The following PIGL variants were observed in gnomAD, a reference collection of about 807,000 sequenced individuals.
PIGL encodes phosphatidylinositol glycan anchor biosynthesis class L, also known as N-acetylglucosaminyl-phosphatidylinositol de-N-acetylase.
A neutral mutation model predicts 31.1 loss-of-function variants in PIGL; 22 were observed. The ratio of observed to expected loss-of-function variants is 0.71; its 90% confidence interval spans 0.51 to 1.01. PIGL has a LOEUF of 1.01. PIGL is among the 50% of genes least tolerant of loss of function. The probability of loss-of-function intolerance (pLI) is 0.00; values close to 1 mark genes in which losing one functional copy is unlikely to be tolerated. For synonymous variants in PIGL, 131 were observed against 117.4 expected (o/e 1.12, Z -0.75); for missense variants, 302 against 315.9 (o/e 0.96, Z 0.33).
intron 2 of PIGL, among the ~76,000 whole-genome samples, chr17:16,283,861 T>C (rs965638974): frequency 2.0e-5 from 3 of 152,224 alleles, no homozygotes; most frequent in African/African-American, 4.8e-5. Flanking sequence ...CCTTATCTCA[T>C]AGTTCCCTTC....
chr17:16,294,051 A>G (rs2092971386), intron 2 of PIGL, among the ~76,000 whole-genome samples: 1 of 152,190 alleles, frequency 6.6e-6, no homozygotes, highest in African/African-American at 2.4e-5. Flanking sequence ...ACTTGGAGAA[A>G]GGCTCACAGG....
At chr17:16,251,783 T>A (rs1475998081) in intron 2 of PIGL, among the ~76,000 whole-genome samples, 2 of 151,786 alleles carry the variant, frequency 1.3e-5, no homozygotes, top group South Asian at 4.2e-4. Flanking sequence ...GTGAAAGGTA[T>A]AGGAAATGAA....
chr17:16,263,216 G>A (rs117456595), intron 2 of PIGL, among the ~76,000 whole-genome samples: 20 of 152,084 alleles, frequency 1.3e-4, no homozygotes, highest in South Asian at 4.1e-4. Context: ...ATAGGATCTC[G>A]CTCCCAGGCT....
intron 3 of PIGL, among the ~76,000 whole-genome samples, chr17:16,303,726 T>G (rs1479276226): frequency 1.3e-5 from 2 of 150,304 alleles, no homozygotes; most frequent in East Asian, 1.9e-4. Flanking sequence ...TTTTTTTTTC[T>G]TTTTTTGAGA....
chr17:16,227,573 C>CTT (rs2092657633), intron 1 of PIGL, among the ~76,000 whole-genome samples: 1 of 110,480 alleles, frequency 9.1e-6, no homozygotes, highest in Non-Finnish European at 1.9e-5. Context: ...TTTTAATTTT[C>CTT]TTTTCTTTTT....
chr17:16,221,489 GC>G (rs2092628860), intron 1 of PIGL, among the ~76,000 whole-genome samples: 1 of 142,046 alleles, frequency 7.0e-6, no homozygotes, highest in African/African-American at 2.6e-5. Context: ...TCTCACTGTC[GC>G]CCGGGCTGGA....
intron 2 of PIGL, among the ~76,000 whole-genome samples, chr17:16,263,430 T>A (rs961680030): frequency 1.3e-5 from 2 of 152,138 alleles, no homozygotes; most frequent in Non-Finnish European, 2.9e-5. Flanking sequence ...TCCTTATGCC[T>A]TGGCCTCCCA....
intron 2 of PIGL, among the ~76,000 whole-genome samples, chr17:16,236,287 C>T (rs79242972): frequency 0.014 from 2,143 of 152,168 alleles, 90 homozygotes; most frequent in Admixed American, 0.095. Context: ...TTTATGTATT[C>T]GGTGTTTCAG....
intron 2 of PIGL, among the ~76,000 whole-genome samples, chr17:16,287,479 C>T (rs2092943168): frequency 6.6e-6 from 1 of 152,172 alleles, no homozygotes; most frequent in Admixed American, 6.5e-5. Flanking sequence ...GGTCACAGTC[C>T]CCAATAAAGT....
rs1348015366 is a variant in PIGL, at chr17:16,318,307, G to A, written c.660+399G>A. Among the ~76,000 whole-genome samples the A allele has an allele frequency of 2.0e-5, 3 of 148,878 alleles. No individual in the cohort carries two copies. The Admixed American group carries it at 2.0e-4, about 10-fold the overall frequency. ...TTTTTTGAGACGGAGTTTTGCTCTTGTCACCCAAGCTGGAGTGCAGTGGTG... is the reference window on the plus strand; with the variant it reads ...TTTTTTGAGACGGAGTTTTGCTCTTATCACCCAAGCTGGAGTGCAGTGGTG... On this transcript the variant is annotated intron_variant, in intron 6 of 6. Transcript: ENST00000225609.
At chr17:16,239,211 G>C (rs181356084) in intron 2 of PIGL, among the ~76,000 whole-genome samples, 1 of 151,226 alleles carries the variant, frequency 6.6e-6, no homozygotes, top group African/African-American at 2.4e-5. Context: ...TGGGCCAGCC[G>C]GGTGGCTCAC....
intron 2 of PIGL, among the ~76,000 whole-genome samples, chr17:16,238,151 G>A (rs768584074): frequency 1.4e-4 from 20 of 147,408 alleles, no homozygotes; most frequent in East Asian, 4.1e-4. Flanking sequence ...AGCCGAGATC[G>A]CGCCATTGCA....
chr17:16,217,422 C>T lies in PIGL; in HGVS notation c.196C>T (p.Arg66Cys), dbSNP rs1297226448. Residue 66 changes from arginine (R) to cysteine (C), a missense_variant, in exon 1 of 7, where the codon CGC becomes TGC. Transcript: ENST00000225609. ...TGCTCCCACAGTGCTAGGCTTGGCC[C>T]GCCTAAGGCACTGGGTGTACCTGCT... The part of the protein sequence containing the change: ...FFAPTVLGLA[R>C]LRHWVYLLCF... 1.9e-6 allele frequency: 3 copies of T among 1,614,054 alleles called. No individual in the cohort carries two copies. The highest frequency in any genetic ancestry group is 2.5e-6 in the Non-Finnish European group (3 of 1,180,032).
intron 1 of PIGL, among the ~76,000 whole-genome samples, chr17:16,232,164 G>C (rs2092681968): frequency 6.6e-6 from 1 of 152,110 alleles, no homozygotes; most frequent in Admixed American, 6.6e-5. Context: ...TGTAAACCCA[G>C]CTACTTAGGA....
intron 2 of PIGL, among the ~76,000 whole-genome samples, chr17:16,291,626 G>C (rs1474834357): frequency 6.6e-6 from 1 of 151,888 alleles, no homozygotes; most frequent in Non-Finnish European, 1.5e-5. Context: ...AGCACTTTGG[G>C]AGGCAGAGGA....
At chr17:16,254,272 T>C (rs918167341) in intron 2 of PIGL, among the ~76,000 whole-genome samples, 7 of 152,210 alleles carry the variant, frequency 4.6e-5, no homozygotes, top group African/African-American at 1.7e-4. Flanking sequence ...TTTTCTTTTT[T>C]TCTTTTCTTT....
intron 2 of PIGL, among the ~76,000 whole-genome samples, chr17:16,251,584 A>G (rs532912231): frequency 4.0e-5 from 6 of 151,808 alleles, no homozygotes; most frequent in Non-Finnish European, 7.4e-5. Flanking sequence ...AGAGGGGGGA[A>G]AAAATCTAGT....
chr17:16,262,350 A>C (rs966126321), intron 2 of PIGL, among the ~76,000 whole-genome samples: 1 of 152,246 alleles, frequency 6.6e-6, no homozygotes, highest in Non-Finnish European at 1.5e-5. Flanking sequence ...ATAAGTCATT[A>C]GTGGAATGCA....
At position 16,326,082 on chromosome 17, in the gene PIGL, A is replaced by C. The variant is rs886052643; in HGVS notation, c.*184A>C. On this transcript the variant is annotated 3_prime_UTR_variant, in exon 7 of 7. Transcript: ENST00000225609. ...ACTCCAGCTTCTTCCCCTGGGAAAA[A>C]ACCCAAAGAACCAAAAACAAACCAC... 5.3e-5 allele frequency: 30 copies of C among 569,390 alleles called. No individual in the cohort carries two copies. Among genetic ancestry groups the C allele is most frequent in the Non-Finnish European group, 9.3e-5 (30 of 322,106 alleles). 35.3% of individuals were successfully genotyped at this position (569,390 alleles called of 1,614,324 possible). A position where few individuals can be genotyped will look rare whatever the true frequency, so the allele number is the denominator to read the frequency against.
Sources: gnomAD v4.1 joint callset for allele counts (sites outside exome capture counted in the v4.1 genomes callset) on GRCh38, gnomAD v4.1.1 for gene constraint, MANE v1.5 for transcripts, NCBI Gene and HGNC (gene_info 2026-07-23, HGNC 2026-07-21) for gene names.